The following FAR2 variants were observed in gnomAD, a reference collection of about 807,000 sequenced individuals.
The protein encoded by FAR2 is fatty acyl-CoA reductase 2, also known as epididymis secretory protein Li 81.
In FAR2, 19 loss-of-function variants were observed where a neutral mutation model predicts 56.0. That is an observed-to-expected ratio of 0.34 (90% CI 0.24 to 0.50). FAR2 has a LOEUF of 0.50. Among genes scored for constraint, FAR2 ranks in the 20% least tolerant of loss-of-function variants. FAR2 has a pLI of 0.98. For missense variants in FAR2, 508 were observed against 642.2 expected, an observed-to-expected ratio of 0.79 and a Z score of 2.26; for synonymous variants, 219 against 218.8, an observed-to-expected ratio of 1.00 and a Z score of -0.01.
At chr12:29,298,059 A>G (rs899662263) in intron 4 of FAR2, among the ~76,000 whole-genome samples, 32 of 150,616 alleles carry the variant, frequency 2.1e-4, no homozygotes, top group Non-Finnish European at 3.7e-4. Flanking sequence ...AAAAAAAAGA[A>G]CTAATGAAGA....
At chr12:29,293,233 TATAAAC>T in intron 2 of FAR2, 61 bp from the exon 3 acceptor site, 4 of 1,298,956 alleles carry the variant, frequency 3.1e-6, no homozygotes, top group Non-Finnish European at 4.1e-6. Context: ...AGCAGGTTGT[TATAAAC>T]AAGAACAATG....
At chr12:29,312,874 C>T (rs1010603113) in intron 8 of FAR2, among the ~76,000 whole-genome samples, 8 of 152,096 alleles carry the variant, frequency 5.3e-5, no homozygotes, top group African/African-American at 1.7e-4. Context: ...CAGCTAGACA[C>T]TGTGGCTCAT....
At chr12:29,307,031 C>T (rs1004524776) in intron 4 of FAR2, among the ~76,000 whole-genome samples, 4 of 152,130 alleles carry the variant, frequency 2.6e-5, no homozygotes, top group African/African-American at 7.2e-5. Flanking sequence ...AAATTTAAAG[C>T]TAAAGGCTTC....
At chr12:29,303,151 G>A (rs549661183) in intron 4 of FAR2, among the ~76,000 whole-genome samples, 14 of 152,084 alleles carry the variant, frequency 9.2e-5, no homozygotes, top group Non-Finnish European at 2.1e-4. Context: ...TGATTTGCCC[G>A]ACTGTTGGAA....
At chr12:29,153,788 T>C (rs1949699868) in intron 1 of FAR2, among the ~76,000 whole-genome samples, 1 of 151,940 alleles carries the variant, frequency 6.6e-6, no homozygotes, top group Non-Finnish European at 1.5e-5. Flanking sequence ...GTCTTGGTGA[T>C]AGATTGGATA....
chr12:29,238,952 G>C (rs1947982461), intron 1 of FAR2, among the ~76,000 whole-genome samples: 1 of 152,090 alleles, frequency 6.6e-6, no homozygotes, highest in South Asian at 2.1e-4. Context: ...CTTCTTCAAA[G>C]CCAGTAAAAT....
chr12:29,205,717 A>G (rs999809867), intron 1 of FAR2, among the ~76,000 whole-genome samples: 2 of 152,334 alleles, frequency 1.3e-5, no homozygotes, highest in East Asian at 3.9e-4. Context: ...TGATGTCTGA[A>G]AGGGTCTCAG....
chr12:29,293,691 T>C (rs1245171882), intron 3 of FAR2, among the ~76,000 whole-genome samples: 2 of 152,206 alleles, frequency 1.3e-5, no homozygotes, highest in African/African-American at 4.8e-5. Context: ...CATAGGTGTA[T>C]GTTCAATTTT....
chr12:29,171,719 G>A (rs1222387611), intron 1 of FAR2: 1 of 147,426 alleles, frequency 6.8e-6, no homozygotes, highest in Non-Finnish European at 1.5e-5. Context: ...GAGCACCTCG[G>A]ACTGACTGCC....
intron 1 of FAR2, among the ~76,000 whole-genome samples, chr12:29,168,972 T>C (rs972601129): frequency 2.0e-5 from 3 of 152,210 alleles, no homozygotes; most frequent in African/African-American, 7.2e-5. Context: ...AGAGTGCTGA[T>C]TGATGTGTTT....
At chr12:29,323,823 G>A (rs1431353922) in intron 10 of FAR2, among the ~76,000 whole-genome samples, 1 of 152,122 alleles carries the variant, frequency 6.6e-6, no homozygotes, top group African/African-American at 2.4e-5. Context: ...AACCGGAAAC[G>A]CTAAAAATCA....
chr12:29,277,290 A>C (rs147261296), intron 2 of FAR2: 1 of 152,224 alleles, frequency 6.6e-6, no homozygotes, highest in Non-Finnish European at 1.5e-5. Flanking sequence ...AATAGTTTTA[A>C]TGCATAGCTG....
intron 1 of FAR2, among the ~76,000 whole-genome samples, chr12:29,267,280 A>G (rs1317265171): frequency 4.6e-5 from 7 of 152,176 alleles, no homozygotes; most frequent in Admixed American, 4.6e-4. Context: ...AAAATGTAAA[A>G]CCAGTGACTA....
At chr12:29,223,359 G>T (rs1163160213) in intron 1 of FAR2, among the ~76,000 whole-genome samples, 1 of 152,166 alleles carries the variant, frequency 6.6e-6, no homozygotes, top group East Asian at 1.9e-4. Flanking sequence ...AGGAGAATTG[G>T]GATGACATTC....
In FAR2 at chr12:29,259,691, G is replaced by A. The variant is rs181273131; in HGVS notation, c.-38-10721G>A. On this transcript the variant is annotated intron_variant, in intron 1 of 11. Coordinates refer to ENST00000536681, the MANE Select transcript of FAR2 (RefSeq NM_001271783.2). ...TGGAAAATTGGTGATCTTTACACCA[G>A]AAGAGAAATGAAAAATCTAACCTGC... Among the ~76,000 whole-genome samples the A allele has an allele frequency of 8.5e-5, 13 of 152,276 alleles. No individual in the cohort carries two copies. The East Asian group carries it at 2.5e-3, about 29-fold the overall frequency.
intron 1 of FAR2, among the ~76,000 whole-genome samples, chr12:29,231,361 C>T (rs1192193692): frequency 6.6e-6 from 1 of 152,082 alleles, no homozygotes; most frequent in Non-Finnish European, 1.5e-5. Context: ...GGTGACTCAG[C>T]TTTCTAGCTT....
intron 4 of FAR2, among the ~76,000 whole-genome samples, chr12:29,299,213 C>CAGAAA (rs1565512259): frequency 9.7e-6 from 1 of 103,570 alleles, no homozygotes. Flanking sequence ...AACTTTGTCT[C>CAGAAA]AAAAAAAAAA....
chr12:29,264,597 C>T (rs1260154185), intron 1 of FAR2, among the ~76,000 whole-genome samples: 1 of 148,606 alleles, frequency 6.7e-6, no homozygotes, highest in East Asian at 2.0e-4. Context: ...GTGTGGGCAA[C>T]ATAGTGGGAT....
intron 1 of FAR2, among the ~76,000 whole-genome samples, chr12:29,233,441 A>G (rs2136654649): frequency 6.6e-6 from 1 of 152,256 alleles, no homozygotes; most frequent in African/African-American, 2.4e-5. Flanking sequence ...TTTTCAGCAC[A>G]TGACATCCAT....
Sources: allele counts gnomAD v4.1 joint callset (sites outside exome capture counted in the v4.1 genomes callset), GRCh38; gene constraint gnomAD v4.1.1; transcripts MANE v1.5; gene names NCBI Gene and HGNC (gene_info 2026-07-23, HGNC 2026-07-21).